EFR3B: variants seen among roughly 807,000 people sequenced by gnomAD.
EFR3B encodes the protein protein EFR3 homolog B.
In EFR3B, 64 loss-of-function variants were observed where a neutral mutation model predicts 104.7. That is an observed-to-expected ratio of 0.61 (90% CI 0.50 to 0.75). EFR3B has a LOEUF of 0.75. Ranked by LOEUF, EFR3B falls within the 30% of genes least tolerant of loss-of-function variation. EFR3B has a pLI of 0.00. For missense variants in EFR3B, 750 were observed against 1,078.5 expected (o/e 0.70, Z 4.27); for synonymous variants, 385 against 417.9 (o/e 0.92, Z 0.96).
intron 1 of EFR3B, among the ~76,000 whole-genome samples, chr2:25,086,477 CATT>C (rs921589149): frequency 7.2e-5 from 11 of 152,258 alleles, no homozygotes; most frequent in East Asian, 1.9e-4. Context: ...AGTGGTATCT[CATT>C]GTTGTTTTAA....
intron 20 of EFR3B, 129 bp from the exon 21 acceptor site, chr2:25,151,785 G>A (rs930679909): frequency 1.6e-5 from 16 of 1,007,590 alleles, no homozygotes; most frequent in Non-Finnish European, 2.0e-5. Context: ...GCACCTCCAC[G>A]CCACTGTCCC....
intron 6 of EFR3B, among the ~76,000 whole-genome samples, chr2:25,129,589 T>C (rs1476552488): frequency 1.3e-5 from 2 of 152,094 alleles, no homozygotes; most frequent in Non-Finnish European, 2.9e-5. Context: ...CACTTCTGTT[T>C]TGTTTTTTGC....
intron 19 of EFR3B, among the ~76,000 whole-genome samples, chr2:25,148,781 G>A (rs1401117984): frequency 6.6e-6 from 1 of 151,014 alleles, no homozygotes; most frequent in Non-Finnish European, 1.5e-5. Flanking sequence ...AATTAGCCGG[G>A]CGTAGTGGTG....
rs887033584 is a variant in EFR3B, at chr2:25,131,886, C to T, written c.1122C>T (p.Phe374=). The change falls in exon 10 of 23, where the codon TTC becomes TTT. Residue 374 remains phenylalanine (F), a synonymous_variant. Transcript: ENST00000403714. This position sits in a 1 kb window ranked among gnomAD's most constrained non-coding sequence, Gnocchi z 7.6. ...KIIKEHEERM[F]QEAVIKTVGS... ...TCAAGGAGCACGAGGAGCGCATGTT[C>T]CAGGAGGCCGTCATCAAGACCGTGG... The T allele has an allele frequency of 3.6e-5, 56 of 1,541,396 alleles. No homozygotes were observed. Among genetic ancestry groups the T allele is most frequent in the African/African-American group, 1.1e-4 (8 of 72,570 alleles).
intron 1 of EFR3B, among the ~76,000 whole-genome samples, chr2:25,053,622 T>C (rs1667941589): frequency 6.6e-6 from 1 of 152,096 alleles, no homozygotes; most frequent in Non-Finnish European, 1.5e-5. Flanking sequence ...ACTCGTTCCC[T>C]GGCCAGGCGC....
Position 25,131,887 on chromosome 2 carries a change from C to T in EFR3B, c.1123C>T (p.Gln375Ter). The change falls in exon 10 of 23, where the codon CAG (glutamine) becomes TAG (stop). Residue 375 changes from glutamine (Q) to a stop codon, truncating the protein, a stop_gained. Transcript: ENST00000403714. LOFTEE classifies it high-confidence loss of function. The surrounding 1 kb of genome is among the most constrained non-coding windows in gnomAD (Gnocchi z 7.6). ...IIKEHEERMFQEAVIKTVGSF... is the reference protein window; with the variant it reads ...IIKEHEERMF ...CAAGGAGCACGAGGAGCGCATGTTC[C>T]AGGAGGCCGTCATCAAGACCGTGGG... 6.5e-7 allele frequency: 1 copy of T among 1,540,288 alleles called. No individual in the cohort carries two copies. The highest frequency in any genetic ancestry group is 2.0e-5 in the Admixed American group (1 of 49,482).
chr2:25,058,762 G>GC (rs1471096806), intron 1 of EFR3B, among the ~76,000 whole-genome samples: 35 of 114,756 alleles, frequency 3.0e-4, no homozygotes, highest in South Asian at 9.2e-4. Context: ...CTGTCTCCCC[G>GC]CGCCCCCCCC....
intron 4 of EFR3B, among the ~76,000 whole-genome samples, chr2:25,118,663 G>A (rs1245386368): frequency 7.0e-6 from 1 of 143,066 alleles, no homozygotes; most frequent in East Asian, 2.0e-4. Context: ...GCCAAGGTGG[G>A]AGGATTGCTT....
At position 25,098,682 on chromosome 2, in the gene EFR3B, T is replaced by G. The variant is rs535064620; in HGVS notation, c.213-4955T>G. 4.6e-5 allele frequency among the ~76,000 whole-genome samples: 7 copies of G among 152,280 alleles called. No homozygotes were observed. In the East Asian group the frequency reaches 1.4e-3, roughly 29 times the overall value. On this transcript the variant is annotated intron_variant, in intron 3 of 22. Coordinates refer to ENST00000403714, the MANE Select transcript of EFR3B (RefSeq NM_014971.2). ...TTCATAATTATAAACATTCCATCCT[T>G]ACTATTGGGATCAGAGATGAGGAAC... is the stretch of plus-strand genomic sequence containing the variant.
chr2:25,042,604 G>C lies in EFR3B; in HGVS notation c.7+285G>C, dbSNP rs1459421632. The C allele has an allele frequency of 2.1e-5, 25 of 1,184,216 alleles. No individual in the cohort carries two copies. The highest frequency in any genetic ancestry group is 2.6e-5 in the Non-Finnish European group (25 of 957,826). 73.4% of individuals were successfully genotyped at this position (1,184,216 alleles called of 1,614,324 possible). A position where few individuals can be genotyped will look rare whatever the true frequency, so the allele number is the denominator to read the frequency against. On this transcript the variant is annotated intron_variant, in intron 1 of 22. Transcript: ENST00000403714. This position sits in a 1 kb window ranked among gnomAD's most constrained non-coding sequence, Gnocchi z 5.4. ...AGGGGAAAGCGGGTCTCCCGGAGCC[G>C]AGCAGACCGGGAGTGCTGGAGGAGG... is the stretch of plus-strand genomic sequence containing the variant.
chr2:25,118,104 C>T lies in EFR3B; in HGVS notation c.364-3569C>T, dbSNP rs189503531. On this transcript the variant is annotated intron_variant, in intron 4 of 22. Coordinates refer to ENST00000403714, the MANE Select transcript of EFR3B (RefSeq NM_014971.2). ...AAGCAATTCTCCTGCCTCAGCCTCC[C>T]GAGTAGCTGGGATTACAGGCGCGTA... Among the ~76,000 whole-genome samples the T allele has an allele frequency of 2.7e-3, 415 of 152,278 alleles. 3 individuals carry two copies. The highest frequency in any genetic ancestry group is 8.1e-3 in the African/African-American group (337 of 41,552).
At chr2:25,146,692 C>T (rs760152509) in intron 19 of EFR3B, 1 of 152,286 alleles carries the variant, frequency 6.6e-6, no homozygotes, top group African/African-American at 2.4e-5. Flanking sequence ...GTTCCTTCCT[C>T]CCTTCAAGAG....
chr2:25,049,230 A>T (rs1667801693), intron 1 of EFR3B, among the ~76,000 whole-genome samples: 1 of 152,232 alleles, frequency 6.6e-6, no homozygotes, highest in Admixed American at 6.5e-5. Flanking sequence ...ACTTTAACTT[A>T]CATTCTTTAT....
At chr2:25,082,083 G>A (rs1335999409) in intron 1 of EFR3B, among the ~76,000 whole-genome samples, 1 of 152,230 alleles carries the variant, frequency 6.6e-6, no homozygotes, top group African/African-American at 2.4e-5. Context: ...GCCCAGGTGA[G>A]GGGTCCTGCG....
At chr2:25,073,750 A>T in intron 1 of EFR3B, among the ~76,000 whole-genome samples, 1 of 152,104 alleles carries the variant, frequency 6.6e-6, no homozygotes, top group East Asian at 1.9e-4. Context: ...AACCACATGC[A>T]TGTGTGCCCC....
rs753414525 is a variant in EFR3B, at chr2:25,131,389, A to C, written c.871A>C (p.Ile291Leu). 144 of 1,550,810 alleles carry C rather than the reference A, an allele frequency of 9.3e-5. No individual in the cohort carries two copies. The highest frequency in any genetic ancestry group is 1.6e-4 in the Admixed American group (8 of 50,982). The change falls in exon 9 of 23, where the codon ATC (isoleucine) becomes CTC (leucine). Residue 291 changes from isoleucine (I) to leucine (L), a missense_variant. Physicochemically the swap from Ile to Leu is conservative, Grantham distance 5 (BLOSUM62 2). Coordinates refer to ENST00000403714, the MANE Select transcript of EFR3B (RefSeq NM_014971.2). This position sits in a 1 kb window ranked among gnomAD's most constrained non-coding sequence, Gnocchi z 7.6. ...SIQPQHSHLV[I>L]QQLLGHLDAN... ...GCAGCCGCAGCACTCACACCTGGTC[A>C]TCCAGCAGCTCCTGGGCCACCTGGA...
At chr2:25,094,898 T>G (rs566720314) in intron 3 of EFR3B, among the ~76,000 whole-genome samples, 81 of 152,262 alleles carry the variant, frequency 5.3e-4, no homozygotes, top group African/African-American at 1.9e-3. Flanking sequence ...CAAGACGTCC[T>G]CCCACCTCAG....
intron 1 of EFR3B, among the ~76,000 whole-genome samples, chr2:25,075,631 A>G (rs1049553485): frequency 6.6e-6 from 1 of 152,136 alleles, no homozygotes; most frequent in Non-Finnish European, 1.5e-5. Context: ...TATATTTTCA[A>G]TTCTATTTTT....
intron 17 of EFR3B, 110 bp from the exon 18 acceptor site, chr2:25,143,625 A>AC: frequency 7.3e-7 from 1 of 1,362,860 alleles, no homozygotes; most frequent in Non-Finnish European, 9.9e-7. Flanking sequence ...GCACCACCAC[A>AC]CTCCAGCCTG....
Sources: gnomAD v4.1 joint callset for allele counts (sites outside exome capture counted in the v4.1 genomes callset) on GRCh38, gnomAD v4.1.1 for gene constraint, Gnocchi (gnomAD v3.1) non-coding constraint, MANE v1.5 for transcripts, NCBI Gene and HGNC (gene_info 2026-07-23, HGNC 2026-07-21) for gene names.